The following AMOTL1 variants were observed in gnomAD, a reference collection of about 807,000 sequenced individuals.
AMOTL1 encodes the protein angiomotin like 1.
AMOTL1 carries 45 observed loss-of-function variants against 102.9 expected under a neutral mutation model. That is an observed-to-expected ratio of 0.44 (90% confidence interval 0.34 to 0.56). The LOEUF (loss-of-function observed/expected upper bound fraction) is 0.56, where lower values mean the gene tolerates loss of function less well. Ranked by LOEUF, AMOTL1 falls within the 20% of genes least tolerant of loss-of-function variation. The pLI is 0.01. For synonymous variants in AMOTL1, 481 were observed against 484.7 expected (o/e 0.99, Z 0.10); for missense variants, 1,114 against 1,225.6 (o/e 0.91, Z 1.36).
At chr11:94,827,135 A>T (rs1445429251) in intron 4 of AMOTL1, among the ~76,000 whole-genome samples, 1 of 152,244 alleles carries the variant, frequency 6.6e-6, no homozygotes, top group Non-Finnish European at 1.5e-5. Context: ...TAGGAAAGTA[A>T]GAGCTATTCT....
intron 3 of AMOTL1, among the ~76,000 whole-genome samples, chr11:94,748,712 C>G (rs1207178201): frequency 6.6e-6 from 1 of 152,174 alleles, no homozygotes; most frequent in Non-Finnish European, 1.5e-5. Flanking sequence ...CTTTTCCAGA[C>G]CCACTTACCA....
At chr11:94,842,258 A>G (rs534409844) in intron 6 of AMOTL1, among the ~76,000 whole-genome samples, 1 of 152,216 alleles carries the variant, frequency 6.6e-6, no homozygotes, top group Non-Finnish European at 1.5e-5. Flanking sequence ...CTACGAAGAT[A>G]GAAGGGTTTC....
intron 3 of AMOTL1, among the ~76,000 whole-genome samples, chr11:94,756,948 G>A (rs1288286044): frequency 2.0e-5 from 3 of 150,656 alleles, no homozygotes; most frequent in African/African-American, 7.3e-5. Context: ...ATTCATTTGG[G>A]TATAGTTATA....
At chr11:94,816,954 A>G (rs895788873) in intron 3 of AMOTL1, among the ~76,000 whole-genome samples, 1 of 152,162 alleles carries the variant, frequency 6.6e-6, no homozygotes, top group Non-Finnish European at 1.5e-5. Flanking sequence ...ATTAATACCA[A>G]ACGCACACTG....
chr11:94,842,912 T>C (rs1351069273), intron 6 of AMOTL1, among the ~76,000 whole-genome samples: 1 of 152,162 alleles, frequency 6.6e-6, no homozygotes, highest in Admixed American at 6.5e-5. Context: ...CCTTATTACA[T>C]AACTCATTTA....
At chr11:94,819,458 C>T (rs140081597) in intron 3 of AMOTL1, among the ~76,000 whole-genome samples, 1 of 152,276 alleles carries the variant, frequency 6.6e-6, no homozygotes, top group African/African-American at 2.4e-5. Flanking sequence ...TTTACTAAGC[C>T]AGACTAAGGT....
intron 1 of AMOTL1, among the ~76,000 whole-genome samples, chr11:94,784,338 C>CA (rs1951152583): frequency 6.6e-6 from 1 of 152,142 alleles, no homozygotes; most frequent in Non-Finnish European, 1.5e-5. Flanking sequence ...TAGGCATTTT[C>CA]ACAGCTTTAT....
intron 6 of AMOTL1, 97 bp downstream of exon 6, chr11:94,831,638 T>G: frequency 9.2e-7 from 1 of 1,083,334 alleles, no homozygotes; most frequent in Non-Finnish European, 1.4e-6. Flanking sequence ...TTTGTGCTGT[T>G]TGCTTTTTGT....
chr11:94,784,650 A>G (rs1180449294), intron 1 of AMOTL1, among the ~76,000 whole-genome samples: 2 of 152,248 alleles, frequency 1.3e-5, no homozygotes, highest in Non-Finnish European at 2.9e-5. Flanking sequence ...TATTAAATCC[A>G]ACACATTTTG....
chr11:94,734,888 TC>T (rs1950414748), intron 2 of AMOTL1, among the ~76,000 whole-genome samples: 1 of 152,200 alleles, frequency 6.6e-6, no homozygotes, highest in Non-Finnish European at 1.5e-5. Flanking sequence ...CATACACACA[TC>T]CTAGTGGGCC....
chr11:94,740,649 C>G (rs1382617219), intron 2 of AMOTL1, among the ~76,000 whole-genome samples: 1 of 151,916 alleles, frequency 6.6e-6, no homozygotes, highest in East Asian at 1.9e-4. Context: ...GCCCAGCGCC[C>G]GGCCGGGGGA....
At chr11:94,724,245 T>A (rs1950220005) in intron 1 of AMOTL1, among the ~76,000 whole-genome samples, 1 of 152,300 alleles carries the variant, frequency 6.6e-6, no homozygotes, top group African/African-American at 2.4e-5. Context: ...GAAGGAGGTC[T>A]ACATCTGCAA....
intron 11 of AMOTL1, 29 bp downstream of exon 11, chr11:94,866,197 AT>A: frequency 6.2e-7 from 1 of 1,605,666 alleles, no homozygotes; most frequent in Non-Finnish European, 8.5e-7. Flanking sequence ...TCAGACCATG[AT>A]TGGAAAAGCA....
In AMOTL1 at chr11:94,876,715, A is replaced by AGTTTAT. The variant is rs1360165220; in HGVS notation, c.*5920_*5921insGTTTAT. ...TCCTTTCTTCCTTAAAGAACTTATA[A>AGTTTAT]ACTGATGCTCAATAAATGTTTCATT... is the stretch of plus-strand genomic sequence containing the variant. On this transcript the variant is annotated 3_prime_UTR_variant, in exon 13 of 13. Coordinates refer to ENST00000433060, the MANE Select transcript of AMOTL1 (RefSeq NM_130847.3). 5 of 152,734 alleles carry AGTTTAT rather than the reference A, an allele frequency of 3.3e-5. No homozygotes were observed. In the East Asian group the frequency reaches 9.6e-4, roughly 29 times the overall value. The allele number at this position is 152,734 out of a possible 1,614,324, so 9.5% of individuals were successfully genotyped here.
intron 3 of AMOTL1, among the ~76,000 whole-genome samples, chr11:94,817,469 T>A (rs1250225115): frequency 6.6e-6 from 1 of 152,190 alleles, no homozygotes; most frequent in East Asian, 1.9e-4. Context: ...AAATGGGGTT[T>A]ATCCTTCTTT....
chr11:94,864,725 G>A lies in AMOTL1; in HGVS notation c.2136-10G>A. On this transcript the variant is annotated splice_polypyrimidine_tract_variant and intron_variant, in intron 9 of 12. Coordinates refer to ENST00000433060, the MANE Select transcript of AMOTL1 (RefSeq NM_130847.3). ...TTCCTATGATCAAACGCATATCCTT[G>A]TGTTGCCAGGGACACCACGATCATC... 1 of 1,612,362 alleles carries A rather than the reference G, an allele frequency of 6.2e-7. No individual in the cohort carries two copies. Among genetic ancestry groups the A allele is most frequent in the Non-Finnish European group, 8.5e-7 (1 of 1,178,958 alleles).
chr11:94,714,299 A>G (rs1950063133), intron 1 of AMOTL1, among the ~76,000 whole-genome samples: 1 of 152,034 alleles, frequency 6.6e-6, no homozygotes, highest in African/African-American at 2.4e-5. Flanking sequence ...AAATTTTGTT[A>G]AGGATTTTTG....
At chr11:94,752,643 G>T (rs1233415701) in intron 3 of AMOTL1, among the ~76,000 whole-genome samples, 1 of 152,240 alleles carries the variant, frequency 6.6e-6, no homozygotes, top group Non-Finnish European at 1.5e-5. Flanking sequence ...CTGATCACCT[G>T]ATGGTAAGAC....
chr11:94,780,782 A>G (rs77989662), intron 1 of AMOTL1, among the ~76,000 whole-genome samples: 1 of 152,326 alleles, frequency 6.6e-6, no homozygotes, highest in African/African-American at 2.4e-5. Context: ...TAATAAGGCA[A>G]TGGGTACCAA....
Sources: gnomAD v4.1 joint callset for allele counts (sites outside exome capture counted in the v4.1 genomes callset) on GRCh38, gnomAD v4.1.1 for gene constraint, MANE v1.5 for transcripts, NCBI Gene and HGNC (gene_info 2026-07-23, HGNC 2026-07-21) for gene names.